MYH11: variants seen among roughly 807,000 people sequenced by gnomAD.
The protein encoded by MYH11 is myosin heavy chain 11.
A neutral mutation model predicts 246.6 loss-of-function variants in MYH11; 80 were observed. The ratio of observed to expected loss-of-function variants is 0.32; its 90% CI spans 0.27 to 0.39. The LOEUF is 0.39. Among genes scored for constraint, MYH11 ranks in the 10% least tolerant of loss-of-function variants. The pLI, the probability that MYH11 is intolerant of heterozygous loss-of-function variation, is 1.00. For missense variants in MYH11, 2,158 were observed against 2,546.8 expected, an observed-to-expected ratio of 0.85 and a Z score of 3.29; for synonymous variants, 1,071 against 1,015.5, an observed-to-expected ratio of 1.05 and a Z score of -1.04.
At chr16:15,708,644 A>G (rs894371946) in intron 40 of MYH11, among the ~76,000 whole-genome samples, 4 of 152,198 alleles carry the variant, frequency 2.6e-5, no homozygotes, top group Non-Finnish European at 5.9e-5. Flanking sequence ...CTTGGTTTCA[A>G]TGAAAGCTTT....
In MYH11 at chr16:15,726,994, C is replaced by T. The variant is rs558332944; in HGVS notation, c.3712G>A (p.Gly1238Arg). ...TLEKENADLA[G>R]ELRVLGQAKQ... Reference sequence around the variant, plus strand: ...GCCTGGCCCAGGACCCGCAGCTCCCCGGCCAGGTCTGCGTTCTCTTTCTCC... The same window carrying T: ...GCCTGGCCCAGGACCCGCAGCTCCCTGGCCAGGTCTGCGTTCTCTTTCTCC... Residue 1238 changes from glycine (G) to arginine (R), a missense_variant, in exon 28 of 41, where the codon GGG becomes AGG. By Grantham distance (125) the Gly-to-Arg change is moderately radical. Coordinates refer to ENST00000300036, the MANE Select transcript of MYH11 (RefSeq NM_002474.3). The T allele has an allele frequency of 1.4e-5, 22 of 1,611,896 alleles. No homozygotes were observed. The East Asian group carries it at 1.6e-4, about 11-fold the overall frequency.
rs185699446 is a variant in MYH11, at chr16:15,767,053, G to A, written c.1034-3162C>T. ...GTCCAGATACACATGGGGAGGGAGG[G>A]AGATGGATGGATGGCAGATGGAGGG... is the stretch of plus-strand genomic sequence containing the variant. On this transcript the variant is annotated intron_variant, in intron 9 of 40. Coordinates refer to ENST00000300036, the MANE Select transcript of MYH11 (RefSeq NM_002474.3). Among the ~76,000 whole-genome samples, 4 of 152,246 alleles carry A rather than the reference G, an allele frequency of 2.6e-5. No homozygotes were observed. The East Asian group carries it at 7.7e-4, about 29-fold the overall frequency.
chr16:15,785,284 A>C (rs1056708056), intron 5 of MYH11: 1 of 152,348 alleles, frequency 6.6e-6, no homozygotes, highest in Non-Finnish European at 1.5e-5. Flanking sequence ...AGCCAAAACA[A>C]GCAGCACATA....
At chr16:15,784,759 A>G in intron 5 of MYH11, 2 of 1,612,776 alleles carry the variant, frequency 1.2e-6, no homozygotes, top group African/African-American at 2.7e-5. Flanking sequence ...TGTCAGCGTT[A>G]TTTCCATCAC....
chr16:15,736,795 G>A lies in MYH11; in HGVS notation c.3293+654C>T, dbSNP rs371692999. Among the ~76,000 whole-genome samples, 12 of 152,218 alleles carry A rather than the reference G, an allele frequency of 7.9e-5. No individual in the cohort carries two copies. In the South Asian group the frequency reaches 2.1e-3, roughly 26 times the overall value. ...GCTCAGCTTCCTCCTCAAAGACACC[G>A]GCAGTACACCTGGCCAGGTGTCTGC... On this transcript the variant is annotated intron_variant, in intron 25 of 40. Transcript: ENST00000300036.
At chr16:15,708,670 A>G in intron 40 of MYH11, 1 of 917,080 alleles carries the variant, frequency 1.1e-6, no homozygotes, top group Non-Finnish European at 1.8e-6. Context: ...AAGATATCCA[A>G]GCCTCCAGAT....
intron 3 of MYH11, among the ~76,000 whole-genome samples, chr16:15,822,709 T>C (rs1328123480): frequency 6.6e-6 from 1 of 152,156 alleles, no homozygotes; most frequent in African/African-American, 2.4e-5. Context: ...AGTGAGACCC[T>C]GTCTCAAAAA....
intron 9 of MYH11, among the ~76,000 whole-genome samples, chr16:15,770,921 T>C (rs11865503): frequency 0.041 from 6,230 of 152,134 alleles, 180 homozygotes; most frequent in East Asian, 0.13. Context: ...TCGAGAGAGA[T>C]AGAAGACAAG....
At chr16:15,715,113 G>A in intron 39 of MYH11, 32 bp from the exon 40 acceptor site, 4 of 1,612,228 alleles carry the variant, frequency 2.5e-6, no homozygotes, top group Non-Finnish European at 3.4e-6. Context: ...GTGGTTAGGG[G>A]AGGCCGGCTG....
intron 1 of MYH11, among the ~76,000 whole-genome samples, chr16:15,853,756 C>T (rs2044388346): frequency 6.6e-6 from 1 of 152,156 alleles, no homozygotes; most frequent in African/African-American, 2.4e-5. Context: ...GGCGCGGTGG[C>T]TCACGCCTGT....
intron 2 of MYH11, among the ~76,000 whole-genome samples, chr16:15,829,905 T>C (rs539854791): frequency 7.2e-5 from 11 of 152,008 alleles, no homozygotes; most frequent in East Asian, 1.9e-4. Context: ...GAGGCCAAGG[T>C]GGGTGGATCA....
At chr16:15,808,431 C>G (rs1392949477) in intron 3 of MYH11, among the ~76,000 whole-genome samples, 2 of 152,182 alleles carry the variant, frequency 1.3e-5, no homozygotes, top group Non-Finnish European at 2.9e-5. Context: ...AGCCCATGAC[C>G]TAAGCCATTC....
intron 1 of MYH11, among the ~76,000 whole-genome samples, chr16:15,852,043 C>T (rs1319268861): frequency 1.3e-5 from 2 of 152,118 alleles, no homozygotes; most frequent in Non-Finnish European, 2.9e-5. Context: ...CAGGAGGGGA[C>T]GGTGGGTGAG....
At position 15,703,671 on chromosome 16, in the gene MYH11, C is replaced by T. The variant is rs2039302745; in HGVS notation, c.*320G>A. The T allele has an allele frequency of 2.0e-5, 9 of 442,704 alleles. 1 individual carries two copies. Among genetic ancestry groups the T allele is most frequent in the South Asian group, 2.0e-4 (9 of 45,972 alleles). 27.4% of individuals were successfully genotyped at this position (442,704 alleles called of 1,614,324 possible). On this transcript the variant is annotated 3_prime_UTR_variant, in exon 41 of 41. Transcript: ENST00000300036. ...TGATGCAATTATAGCTCATTGCAGC[C>T]TCGAAGTCCTGGGCTGGAGCGTTCT...
intron 3 of MYH11, among the ~76,000 whole-genome samples, chr16:15,809,870 C>A (rs568121179): frequency 7.0e-6 from 1 of 143,826 alleles, no homozygotes; most frequent in Admixed American, 6.9e-5. Context: ...TCAGGTGAGC[C>A]GAGATCACAC....
chr16:15,758,016 G>T lies in MYH11; in HGVS notation c.1402-16C>A, dbSNP rs769884298. ...AGGAGTTCACCTGAGCACATGGCGT[G>T]GGGGCGGGGCGTGAGCATCTTGGTA... On this transcript the variant is annotated splice_polypyrimidine_tract_variant and intron_variant, in intron 12 of 40. Transcript: ENST00000300036. The T allele has an allele frequency of 1.9e-6, 3 of 1,613,168 alleles. No individual in the cohort carries two copies. The East Asian group carries it at 6.7e-5, about 36-fold the overall frequency.
chr16:15,844,002 C>T (rs1163406886), intron 1 of MYH11, among the ~76,000 whole-genome samples: 1 of 151,992 alleles, frequency 6.6e-6, no homozygotes, highest in Non-Finnish European at 1.5e-5. Flanking sequence ...ACCCTAACAT[C>T]ACAAAAAGAG....
intron 8 of MYH11, 108 bp from the exon 9 acceptor site, chr16:15,771,820 T>TGG: frequency 6.9e-7 from 1 of 1,439,318 alleles, no homozygotes; most frequent in Admixed American, 1.9e-5. Context: ...TTTCCCTTTA[T>TGG]CAAGGCTTGA....
At chr16:15,852,076 G>A (rs771745715) in intron 1 of MYH11, among the ~76,000 whole-genome samples, 2 of 152,098 alleles carry the variant, frequency 1.3e-5, no homozygotes, top group Non-Finnish European at 2.9e-5. Flanking sequence ...CCTAAGCTCC[G>A]CCTCCTGTCA....
Sources: gnomAD v4.1 joint callset for allele counts (sites outside exome capture counted in the v4.1 genomes callset) on GRCh38, gnomAD v4.1.1 for gene constraint, MANE v1.5 for transcripts, NCBI Gene and HGNC (gene_info 2026-07-23, HGNC 2026-07-21) for gene names.